The following LRRIQ3 variants were observed in gnomAD, a reference collection of about 807,000 sequenced individuals.
LRRIQ3 encodes the protein leucine rich repeats and IQ motif containing 3.
Under a neutral mutation model 59.3 loss-of-function variants are expected in LRRIQ3, and 75 were observed. That is an observed-to-expected ratio of 1.26 (90% confidence interval 1.05 to 1.53). The LOEUF (loss-of-function observed/expected upper bound fraction) is 1.53, where lower values mean the gene tolerates loss of function less well. Ranked by LOEUF, LRRIQ3 falls within the 40% of genes most tolerant of loss-of-function variation. The pLI is 0.00. For synonymous variants in LRRIQ3, 250 were observed against 231.3 expected, an observed-to-expected ratio of 1.08 and a Z score of -0.73; for missense variants, 831 against 710.0, an observed-to-expected ratio of 1.17 and a Z score of -1.94.
chr1:74,147,143 G>C (rs899369547), intron 4 of LRRIQ3, among the ~76,000 whole-genome samples: 1 of 152,134 alleles, frequency 6.6e-6, no homozygotes, highest in Non-Finnish European at 1.5e-5. Flanking sequence ...TAGAAGAATC[G>C]CTTGAGCCCA....
chr1:74,165,789 G>A (rs907077772), intron 3 of LRRIQ3, among the ~76,000 whole-genome samples: 1 of 151,488 alleles, frequency 6.6e-6, no homozygotes, highest in South Asian at 2.1e-4. Flanking sequence ...GTCACAAATA[G>A]ATGTTGAAAT....
intron 1 of LRRIQ3, among the ~76,000 whole-genome samples, chr1:74,186,274 T>C (rs903493852): frequency 2.6e-5 from 4 of 152,018 alleles, no homozygotes; most frequent in African/African-American, 9.7e-5. Context: ...CCAGGAATAA[T>C]TGTTTATTTT....
In LRRIQ3 at chr1:74,109,380, CTAAT is replaced by C. The variant is rs768059564; in HGVS notation, c.867+10_867+13del. Reference sequence around the variant, plus strand: ...ATACATTTCAAATAAAAATAATAAACTAATTATACTTACATGTTTCCAATATGCA... The same window carrying C: ...ATACATTTCAAATAAAAATAATAAACTATACTTACATGTTTCCAATATGCA... On this transcript the variant is annotated intron_variant, in intron 5 of 7. Coordinates refer to ENST00000354431, the MANE Select transcript of LRRIQ3 (RefSeq NM_001105659.2). 7 of 1,422,990 alleles carry C rather than the reference CTAAT, an allele frequency of 4.9e-6. No individual in the cohort carries two copies. The East Asian group carries it at 1.2e-4, about 25-fold the overall frequency. The allele number at this position is 1,422,990 out of a possible 1,614,324, so 88.1% of individuals were successfully genotyped here.
At chr1:74,073,051 A>C (rs138400650) in intron 6 of LRRIQ3, among the ~76,000 whole-genome samples, 1 of 152,232 alleles carries the variant, frequency 6.6e-6, no homozygotes, top group African/African-American at 2.4e-5. Flanking sequence ...AGTTTAAAAT[A>C]CCTCAAAAGT....
In LRRIQ3 at chr1:74,067,157, A is replaced by G. The variant is rs151017301; in HGVS notation, c.997+7504T>C. Reference sequence around the variant, plus strand: ...AAATCCCATCAAGTCCAGAATCTCTACGTGTGCAGTATCTCTCAATCAGGT... The same window carrying G: ...AAATCCCATCAAGTCCAGAATCTCTGCGTGTGCAGTATCTCTCAATCAGGT... On this transcript the variant is annotated intron_variant, in intron 6 of 7. Transcript: ENST00000354431. Among the ~76,000 whole-genome samples the G allele has an allele frequency of 1.5e-4, 23 of 152,248 alleles. No individual in the cohort carries two copies. The East Asian group carries it at 3.3e-3, about 22-fold the overall frequency.
rs150618239 is a variant in LRRIQ3, at chr1:74,073,509, AAAACAAAC to A, written c.997+1144_997+1151del. 4.2e-3 allele frequency among the ~76,000 whole-genome samples: 621 copies of A among 149,512 alleles called. 9 individuals are homozygous for A. Among genetic ancestry groups the A allele is most frequent in the African/African-American group, 0.014 (550 of 40,486 alleles). On this transcript the variant is annotated intron_variant, in intron 6 of 7. Coordinates refer to ENST00000354431, the MANE Select transcript of LRRIQ3 (RefSeq NM_001105659.2). Reference sequence around the variant, plus strand: ...TTAGGTGACAGAGTGAGACTGTCTTAAAACAAACAAACAAACAAACAAACAAACAAACA... The same window carrying A: ...TTAGGTGACAGAGTGAGACTGTCTTAAAACAAACAAACAAACAAACAAACA...
chr1:74,158,996 A>G (rs1001381468), intron 3 of LRRIQ3, among the ~76,000 whole-genome samples: 1 of 152,108 alleles, frequency 6.6e-6, no homozygotes, highest in East Asian at 1.9e-4. Flanking sequence ...CCCTCTTAAG[A>G]ATAGGTTTTT....
chr1:74,068,416 C>T (rs1309984130), intron 6 of LRRIQ3, among the ~76,000 whole-genome samples: 1 of 151,968 alleles, frequency 6.6e-6, no homozygotes, highest in East Asian at 1.9e-4. Flanking sequence ...CTGAAATGAT[C>T]ACTTTTACTT....
At chr1:74,097,769 G>T (rs1379105432) in intron 5 of LRRIQ3, among the ~76,000 whole-genome samples, 3 of 152,114 alleles carry the variant, frequency 2.0e-5, no homozygotes, top group African/African-American at 7.2e-5. Flanking sequence ...TTAAAGAAAA[G>T]AATTTTCAAC....
At chr1:74,082,699 G>A (rs1646286469) in intron 5 of LRRIQ3, 1 of 151,320 alleles carries the variant, frequency 6.6e-6, no homozygotes, top group Non-Finnish European at 1.5e-5. Flanking sequence ...TTGAATCTGA[G>A]GAGGGATTTA....
chr1:74,114,541 C>T (rs1305569958), intron 4 of LRRIQ3, among the ~76,000 whole-genome samples: 1 of 151,868 alleles, frequency 6.6e-6, no homozygotes, highest in East Asian at 1.9e-4. Context: ...TCGAGAGCAT[C>T]CTGGCTAACA....
intron 4 of LRRIQ3, among the ~76,000 whole-genome samples, chr1:74,111,560 G>T (rs1231503851): frequency 6.6e-6 from 1 of 152,038 alleles, no homozygotes; most frequent in Non-Finnish European, 1.5e-5. Context: ...CTGGAATAGA[G>T]ATGTGAGAAA....
chr1:74,190,213 C>A (rs776553818), intron 1 of LRRIQ3, among the ~76,000 whole-genome samples: 4 of 151,948 alleles, frequency 2.6e-5, no homozygotes, highest in African/African-American at 9.7e-5. Context: ...AAATATCAGA[C>A]TGGGAATTGA....
chr1:74,038,848 C>A (rs911865056), intron 7 of LRRIQ3, among the ~76,000 whole-genome samples: 3 of 152,124 alleles, frequency 2.0e-5, no homozygotes, highest in Non-Finnish European at 4.4e-5. Flanking sequence ...CAAAACTAGA[C>A]ATATTCATGA....
intron 1 of LRRIQ3, among the ~76,000 whole-genome samples, chr1:74,195,449 G>A (rs892915303): frequency 6.6e-6 from 1 of 152,168 alleles, no homozygotes; most frequent in African/African-American, 2.4e-5. Flanking sequence ...TTATATGCCT[G>A]TAGTAATAAA....
chr1:74,055,490 G>A (rs1475105723), intron 6 of LRRIQ3, among the ~76,000 whole-genome samples: 2 of 151,958 alleles, frequency 1.3e-5, no homozygotes, highest in Admixed American at 6.6e-5. Context: ...TAACATGTTT[G>A]CAAGAATCAT....
chr1:74,072,503 A>T (rs1655055202), intron 6 of LRRIQ3, among the ~76,000 whole-genome samples: 1 of 151,896 alleles, frequency 6.6e-6, no homozygotes, highest in African/African-American at 2.4e-5. Context: ...ATATATATAT[A>T]TATTTTTTAA....
At chr1:74,031,378 A>T (rs541690385) in intron 7 of LRRIQ3, among the ~76,000 whole-genome samples, 2 of 152,270 alleles carry the variant, frequency 1.3e-5, no homozygotes, top group East Asian at 3.9e-4. Flanking sequence ...TCCAACAATG[A>T]TAGACTGGAT....
chr1:74,115,883 T>C (rs1397711264), intron 4 of LRRIQ3, among the ~76,000 whole-genome samples: 2 of 151,872 alleles, frequency 1.3e-5, no homozygotes, highest in African/African-American at 4.8e-5. Flanking sequence ...TTAAAACAAC[T>C]AAGAATGTTC....
Sources: allele counts gnomAD v4.1 joint callset (sites outside exome capture counted in the v4.1 genomes callset), GRCh38; gene constraint gnomAD v4.1.1; transcripts MANE v1.5; gene names NCBI Gene and HGNC (gene_info 2026-07-23, HGNC 2026-07-21).